CTNNA3: variants seen among roughly 807,000 people sequenced by gnomAD.
The protein encoded by CTNNA3 is catenin alpha-3.
In CTNNA3, 76 loss-of-function variants were observed where a neutral mutation model predicts 95.7. That is an observed-to-expected ratio of 0.79 (90% confidence interval 0.66 to 0.96). CTNNA3 has a LOEUF of 0.96. Among genes scored for constraint, CTNNA3 ranks in the 40% least tolerant of loss-of-function variants. The pLI, the probability that CTNNA3 is intolerant of heterozygous loss-of-function variation, is 0.00. For synonymous variants in CTNNA3, 431 were observed against 374.4 expected (o/e 1.15, Z -1.74); for missense variants, 1,191 against 1,089.8 (o/e 1.09, Z -1.31).
intron 11 of CTNNA3, among the ~76,000 whole-genome samples, chr10:66,480,917 T>C (rs1038363230): frequency 1.3e-5 from 2 of 152,160 alleles, no homozygotes; most frequent in African/African-American, 2.4e-5. Context: ...TTAAATATTT[T>C]CTAAGTATAC....
At chr10:67,063,522 A>G (rs1855885644) in intron 7 of CTNNA3, among the ~76,000 whole-genome samples, 1 of 152,218 alleles carries the variant, frequency 6.6e-6, no homozygotes, top group African/African-American at 2.4e-5. Context: ...TAGAGGACCT[A>G]CCAGGTTTAA....
chr10:67,610,190 A>G (rs1843413181), intron 2 of CTNNA3, among the ~76,000 whole-genome samples: 1 of 152,190 alleles, frequency 6.6e-6, no homozygotes, highest in Admixed American at 6.5e-5. Context: ...CAGATCCTCC[A>G]TGCGCCAAAT....
At chr10:66,503,296 A>C (rs1310614193) in intron 11 of CTNNA3, among the ~76,000 whole-genome samples, 1 of 152,188 alleles carries the variant, frequency 6.6e-6, no homozygotes, top group African/African-American at 2.4e-5. Context: ...CCTATCACCT[A>C]GTAGGTGCTC....
At chr10:67,124,207 A>G (rs1020860796) in intron 7 of CTNNA3, among the ~76,000 whole-genome samples, 2 of 152,166 alleles carry the variant, frequency 1.3e-5, no homozygotes, top group Admixed American at 1.3e-4. Flanking sequence ...AATGTTTCAA[A>G]TTTTAAAAAT....
chr10:65,965,628 C>T (rs1564545312), intron 17 of CTNNA3, among the ~76,000 whole-genome samples: 1 of 151,938 alleles, frequency 6.6e-6, no homozygotes, highest in Non-Finnish European at 1.5e-5. Flanking sequence ...TGGTCTTGAA[C>T]TCCTGACCTC....
At chr10:66,644,377 G>A (rs10762081) in intron 9 of CTNNA3, among the ~76,000 whole-genome samples, 97,127 of 146,432 alleles carry the variant, frequency 0.66, 33,073 homozygotes, top group East Asian at 0.95. Context: ...TATTTTACAT[G>A]TGTATTTTAT....
chr10:66,209,074 T>G (rs2087950990), intron 13 of CTNNA3, among the ~76,000 whole-genome samples: 1 of 152,144 alleles, frequency 6.6e-6, no homozygotes, highest in African/African-American at 2.4e-5. Flanking sequence ...TCCAATACTA[T>G]CCCCATCTTC....
At chr10:67,384,688 T>C (rs1045085261) in intron 5 of CTNNA3, among the ~76,000 whole-genome samples, 2 of 152,120 alleles carry the variant, frequency 1.3e-5, no homozygotes, top group African/African-American at 2.4e-5. Context: ...TCTGAGCCAG[T>C]GAAGAAAGGG....
chr10:66,975,865 A>C (rs930992716), intron 7 of CTNNA3, among the ~76,000 whole-genome samples: 4 of 152,202 alleles, frequency 2.6e-5, no homozygotes, highest in African/African-American at 9.6e-5. Flanking sequence ...CTGACCAAAA[A>C]TCTTGGTCTT....
intron 7 of CTNNA3, among the ~76,000 whole-genome samples, chr10:66,845,725 A>AAC (rs1843239289): frequency 2.0e-5 from 2 of 100,340 alleles, no homozygotes; most frequent in East Asian, 2.9e-4. Flanking sequence ...AAAAAAAAAA[A>AAC]AAAACTAAAA....
intron 7 of CTNNA3, chr10:66,925,955 G>A (rs1385058662): frequency 1.1e-5 from 5 of 453,574 alleles, no homozygotes; most frequent in Non-Finnish European, 1.8e-5. Context: ...AGATAAAAGA[G>A]AGACATTTCT....
chr10:66,951,742 A>G (rs1317227468), intron 7 of CTNNA3, among the ~76,000 whole-genome samples: 2 of 152,154 alleles, frequency 1.3e-5, no homozygotes, highest in African/African-American at 4.8e-5. Flanking sequence ...TTTGTTCAGA[A>G]TATTTATTTT....
intron 1 of CTNNA3, among the ~76,000 whole-genome samples, chr10:67,726,377 TATATGAA>T (rs1240623778): frequency 6.0e-5 from 4 of 66,266 alleles, no homozygotes; most frequent in Non-Finnish European, 1.0e-4. Flanking sequence ...TATGATATTA[TATATGAA>T]ATTATATATA....
intron 12 of CTNNA3, among the ~76,000 whole-genome samples, chr10:66,286,160 A>T (rs984875309): frequency 1.3e-5 from 2 of 152,058 alleles, no homozygotes; most frequent in African/African-American, 4.8e-5. Flanking sequence ...TATATTTCAC[A>T]TTAGTAAACA....
intron 7 of CTNNA3, among the ~76,000 whole-genome samples, chr10:67,066,803 T>A (rs1358737522): frequency 6.6e-6 from 1 of 152,234 alleles, no homozygotes; most frequent in Non-Finnish European, 1.5e-5. Flanking sequence ...ACATCTCTTC[T>A]AGCTTACCAT....
chr10:66,840,354 TCTCTCTCTCTCTCTCTCTCACACACA>T (rs1843014045), intron 7 of CTNNA3, among the ~76,000 whole-genome samples: 1 of 124,116 alleles, frequency 8.1e-6, no homozygotes, highest in African/African-American at 3.8e-5. Flanking sequence ...TCTCTCTCTC[TCTCTCTCTCTCTCTCTCTCACACACA>T]CACACACACA....
At chr10:66,863,654 G>A (rs9414944) in intron 7 of CTNNA3, among the ~76,000 whole-genome samples, 7,430 of 152,092 alleles carry the variant, frequency 0.049, 259 homozygotes, top group Non-Finnish European at 0.069. Flanking sequence ...TGATTTGCAG[G>A]GCTAATTTGA....
At chr10:66,308,841 A>C (rs916175548) in intron 12 of CTNNA3, among the ~76,000 whole-genome samples, 3 of 152,162 alleles carry the variant, frequency 2.0e-5, no homozygotes, top group Non-Finnish European at 2.9e-5. Flanking sequence ...AAATGAAATT[A>C]ATCAGGGTGA....
chr10:67,703,267 C>T (rs1841055760), intron 1 of CTNNA3, among the ~76,000 whole-genome samples: 1 of 152,178 alleles, frequency 6.6e-6, no homozygotes, highest in Admixed American at 6.5e-5. Context: ...TCCTCCCTAA[C>T]TCATTTTATG....
Sources: gnomAD v4.1 joint callset for allele counts (sites outside exome capture counted in the v4.1 genomes callset) on GRCh38, gnomAD v4.1.1 for gene constraint, MANE v1.5 for transcripts, NCBI Gene and HGNC (gene_info 2026-07-23, HGNC 2026-07-21) for gene names.